The following STXBP5L variants were observed in gnomAD, a reference collection of about 807,000 sequenced individuals.
The protein encoded by STXBP5L is syntaxin binding protein 5L, also known as syntaxin-binding protein 5-like.
Under a neutral mutation model 144.5 loss-of-function variants are expected in STXBP5L, and 65 were observed. That is an observed-to-expected ratio of 0.45 (90% CI 0.37 to 0.55). STXBP5L has a LOEUF of 0.55. Among genes scored for constraint, STXBP5L ranks in the 20% least tolerant of loss-of-function variants. The pLI is 0.00. For missense variants in STXBP5L, 1,298 were observed against 1,405.5 expected, an observed-to-expected ratio of 0.92 and a Z score of 1.22; for synonymous variants, 505 against 469.6, an observed-to-expected ratio of 1.08 and a Z score of -0.97.
At chr3:120,991,683 G>A (rs970348340) in intron 3 of STXBP5L, among the ~76,000 whole-genome samples, 2 of 151,812 alleles carry the variant, frequency 1.3e-5, no homozygotes, top group African/African-American at 4.8e-5. Context: ...CCTTTGTAGG[G>A]ACGTGGTTGA....
intron 19 of STXBP5L, among the ~76,000 whole-genome samples, chr3:121,303,813 G>C (rs531282067): frequency 6.6e-6 from 1 of 151,950 alleles, no homozygotes; most frequent in African/African-American, 2.4e-5. Context: ...TCACTCATAG[G>C]TGGGAATTGA....
intron 5 of STXBP5L, among the ~76,000 whole-genome samples, chr3:121,069,387 T>TCAC (rs762728413): frequency 2.6e-5 from 4 of 152,164 alleles, no homozygotes; most frequent in Non-Finnish European, 5.9e-5. Context: ...ATTTAACTAT[T>TCAC]CACCCATTGA....
intron 5 of STXBP5L, among the ~76,000 whole-genome samples, chr3:121,090,946 A>C (rs1360096415): frequency 9.5e-6 from 1 of 105,470 alleles, no homozygotes; most frequent in Admixed American, 1.3e-4. Context: ...ACCCCACAAC[A>C]GTCCCCAGAA....
intron 9 of STXBP5L, among the ~76,000 whole-genome samples, chr3:121,176,871 T>G (rs963980493): frequency 2.8e-4 from 42 of 151,112 alleles, no homozygotes; most frequent in African/African-American, 9.7e-4. Flanking sequence ...ATAACAAAAG[T>G]TTAATTGAAG....
intron 7 of STXBP5L, among the ~76,000 whole-genome samples, chr3:121,125,224 T>C (rs956524271): frequency 2.8e-4 from 42 of 152,076 alleles, no homozygotes; most frequent in African/African-American, 9.7e-4. Flanking sequence ...ATTCCAGCAC[T>C]TTGGGAGGAC....
intron 5 of STXBP5L, among the ~76,000 whole-genome samples, chr3:121,090,370 T>C (rs1248809883): frequency 6.6e-6 from 1 of 152,060 alleles, no homozygotes; most frequent in South Asian, 2.1e-4. Flanking sequence ...TGCCTCCTCT[T>C]TTACCCCTCT....
At chr3:121,035,904 A>G (rs1946715912) in intron 3 of STXBP5L, among the ~76,000 whole-genome samples, 1 of 152,114 alleles carries the variant, frequency 6.6e-6, no homozygotes, top group South Asian at 2.1e-4. Context: ...TCTTTGTAAT[A>G]TTTTATAGCT....
intron 22 of STXBP5L, among the ~76,000 whole-genome samples, chr3:121,390,188 A>G (rs1017156487): frequency 3.3e-5 from 5 of 152,102 alleles, no homozygotes; most frequent in Non-Finnish European, 7.4e-5. Flanking sequence ...AGTCTGTTTT[A>G]TCAGAGACTA....
At chr3:121,082,162 A>T (rs932238396) in intron 5 of STXBP5L, among the ~76,000 whole-genome samples, 6 of 152,182 alleles carry the variant, frequency 3.9e-5, no homozygotes, top group African/African-American at 1.4e-4. Context: ...AAATCTTGCG[A>T]TAATTTGATA....
intron 5 of STXBP5L, among the ~76,000 whole-genome samples, chr3:121,053,441 A>G (rs1037438925): frequency 1.2e-4 from 19 of 152,194 alleles, no homozygotes; most frequent in Non-Finnish European, 2.5e-4. Flanking sequence ...AATTCTGCAT[A>G]TCTACAACCA....
At chr3:121,063,525 G>A (rs1237498355) in intron 5 of STXBP5L, among the ~76,000 whole-genome samples, 1 of 152,222 alleles carries the variant, frequency 6.6e-6, no homozygotes, top group African/African-American at 2.4e-5. Context: ...CTTGAGCACT[G>A]TGCTGGGAGA....
At chr3:120,987,026 A>C (rs1795416) in intron 3 of STXBP5L, among the ~76,000 whole-genome samples, 32,387 of 151,874 alleles carry the variant, frequency 0.21, 3,682 homozygotes, top group Non-Finnish European at 0.26. Context: ...ATATTTGAAG[A>C]AATAATGACC....
chr3:121,253,771 C>T (rs338998), intron 15 of STXBP5L, among the ~76,000 whole-genome samples: 67,764 of 145,958 alleles, frequency 0.46, 16,488 homozygotes, highest in East Asian at 0.73. Flanking sequence ...GCTGGGACCA[C>T]AGGCGCCCGC....
intron 19 of STXBP5L, among the ~76,000 whole-genome samples, chr3:121,300,191 A>G (rs1385421953): frequency 2.0e-5 from 3 of 152,248 alleles, no homozygotes; most frequent in Admixed American, 2.0e-4. Context: ...GCTAGAGAAA[A>G]ACAACTGTCA....
At chr3:121,026,069 A>G (rs1041919839) in intron 3 of STXBP5L, among the ~76,000 whole-genome samples, 1 of 148,070 alleles carries the variant, frequency 6.8e-6, no homozygotes, top group Admixed American at 6.8e-5. Flanking sequence ...ATTATAATTA[A>G]ATTATATTTA....
intron 2 of STXBP5L, among the ~76,000 whole-genome samples, chr3:120,942,622 A>C (rs1176841515): frequency 6.6e-6 from 1 of 151,322 alleles, no homozygotes; most frequent in African/African-American, 2.4e-5. Context: ...TATAGGTAAT[A>C]GCTACTGATT....
intron 9 of STXBP5L, among the ~76,000 whole-genome samples, chr3:121,172,917 C>T (rs924571614): frequency 2.6e-5 from 4 of 152,180 alleles, no homozygotes; most frequent in Non-Finnish European, 5.9e-5. Flanking sequence ...ATAGCAAATA[C>T]TTGGAACCAA....
chr3:121,189,205 T>C (rs1010909933), intron 9 of STXBP5L, among the ~76,000 whole-genome samples: 7 of 152,244 alleles, frequency 4.6e-5, no homozygotes, highest in African/African-American at 1.7e-4. Flanking sequence ...TCTTTTGCTG[T>C]GCAGAAGCTC....
chr3:120,943,729 C>T (rs1423999999), intron 2 of STXBP5L, among the ~76,000 whole-genome samples: 1 of 151,400 alleles, frequency 6.6e-6, no homozygotes, highest in Non-Finnish European at 1.5e-5. Context: ...TTCAAAATAG[C>T]CCTTTTGTGG....
Sources: allele counts gnomAD v4.1 joint callset (sites outside exome capture counted in the v4.1 genomes callset), GRCh38; gene constraint gnomAD v4.1.1; transcripts MANE v1.5; gene names NCBI Gene and HGNC (gene_info 2026-07-23, HGNC 2026-07-21).